OTOGL: variants seen among roughly 807,000 people sequenced by gnomAD.
OTOGL encodes the protein otogelin-like protein.
Under a neutral mutation model 318.5 loss-of-function variants are expected in OTOGL, and 285 were observed. The ratio of observed to expected loss-of-function variants is 0.89; its 90% CI spans 0.81 to 0.99. The LOEUF is 0.99. Among genes scored for constraint, OTOGL ranks in the 50% least tolerant of loss-of-function variants. OTOGL has a pLI of 0.00. For missense variants in OTOGL, 2,899 were observed against 2,845.6 expected (o/e 1.02, Z -0.43); for synonymous variants, 987 against 936.5 (o/e 1.05, Z -0.99).
chr12:80,345,563 G>C (rs577853092), intron 44 of OTOGL, among the ~76,000 whole-genome samples: 6 of 152,052 alleles, frequency 3.9e-5, no homozygotes, highest in African/African-American at 1.4e-4. Context: ...TACAGTCAGA[G>C]TTGAAAATAT....
At chr12:80,101,145 A>C (rs1479672977) in intron 1 of OTOGL, among the ~76,000 whole-genome samples, 1 of 152,204 alleles carries the variant, frequency 6.6e-6, no homozygotes. Flanking sequence ...CTTTAAAAGC[A>C]CTTAAGATGT....
chr12:80,189,657 G>T (rs987320844), intron 1 of OTOGL, among the ~76,000 whole-genome samples: 1 of 152,188 alleles, frequency 6.6e-6, no homozygotes, highest in Non-Finnish European at 1.5e-5. Flanking sequence ...CCCATACCTA[G>T]AAAGTAGAAT....
intron 7 of OTOGL, among the ~76,000 whole-genome samples, chr12:80,222,691 T>C (rs942572166): frequency 6.6e-6 from 1 of 152,158 alleles, no homozygotes; most frequent in Admixed American, 6.6e-5. Context: ...AATAAGGATG[T>C]CAGGGACCTC....
chr12:80,368,520 T>C (rs1430104208), intron 55 of OTOGL, among the ~76,000 whole-genome samples: 1 of 152,066 alleles, frequency 6.6e-6, no homozygotes, highest in Non-Finnish European at 1.5e-5. Flanking sequence ...TGACTCAAAC[T>C]TATTTTATCA....
chr12:80,361,046 T>C (rs1890211640), intron 52 of OTOGL: 1 of 152,068 alleles, frequency 6.6e-6, no homozygotes, highest in Admixed American at 6.6e-5. Flanking sequence ...TTACTAATGA[T>C]TGTCATTATG....
chr12:80,318,202 T>A (rs1283652966), intron 32 of OTOGL, among the ~76,000 whole-genome samples: 1 of 152,156 alleles, frequency 6.6e-6, no homozygotes, highest in Non-Finnish European at 1.5e-5. Context: ...ATTCTTTGAA[T>A]CTTTTTTCTC....
At chr12:80,270,032 G>T in intron 22 of OTOGL, 70 bp from the exon 23 acceptor site, 1 of 1,177,532 alleles carries the variant, frequency 8.5e-7, no homozygotes. Context: ...TTAGATTGTT[G>T]TCGAAATTCA....
intron 17 of OTOGL, 114 bp downstream of exon 17, chr12:80,256,574 C>T (rs1037897656): frequency 7.2e-7 from 1 of 1,388,016 alleles, no homozygotes; most frequent in East Asian, 2.6e-5. Flanking sequence ...GACTACCTAG[C>T]ATTTATAGAG....
chr12:80,217,695 G>A, intron 5 of OTOGL, 31 bp downstream of exon 5: 1 of 1,429,342 alleles, frequency 7.0e-7, no homozygotes, highest in Non-Finnish European at 9.5e-7. Flanking sequence ...TTTCATATTT[G>A]CTTTCTCAGA....
chr12:80,286,978 G>T (rs758194423), intron 26 of OTOGL, among the ~76,000 whole-genome samples: 2 of 152,082 alleles, frequency 1.3e-5, no homozygotes, highest in Non-Finnish European at 2.9e-5. Context: ...TGTGATGTTA[G>T]GGTATCAATT....
intron 11 of OTOGL, 95 bp downstream of exon 11, chr12:80,239,534 A>C: frequency 1.2e-6 from 1 of 846,444 alleles, no homozygotes; most frequent in Non-Finnish European, 1.8e-6. Flanking sequence ...AGCTGTTCAC[A>C]AAATATTATG....
In OTOGL at chr12:80,342,314, G is replaced by C. The variant is rs183060961; in HGVS notation, c.5265+152G>C. Among the ~76,000 whole-genome samples, 95 of 152,222 alleles carry C rather than the reference G, an allele frequency of 6.2e-4. 1 individual carries two copies. The highest frequency in any genetic ancestry group is 1.1e-3 in the Non-Finnish European group (77 of 67,992). Reference sequence around the variant, plus strand: ...GCTTTGGAATTCAGAATCACTTATTGTTTACAGGCTTACAAACACAAGAAG... The same window carrying C: ...GCTTTGGAATTCAGAATCACTTATTCTTTACAGGCTTACAAACACAAGAAG... On this transcript the variant is annotated intron_variant, in intron 44 of 58. Transcript: ENST00000547103.
At chr12:80,358,152 C>T (rs1030637251) in intron 49 of OTOGL, 96 bp from the exon 50 acceptor site, 1 of 817,286 alleles carries the variant, frequency 1.2e-6, no homozygotes, top group East Asian at 2.7e-5. Context: ...TTTTCTTAAA[C>T]AAAATTGATT....
At chr12:80,305,889 T>C (rs1886078815) in intron 29 of OTOGL, among the ~76,000 whole-genome samples, 194 bp downstream of exon 29, 1 of 152,198 alleles carries the variant, frequency 6.6e-6, no homozygotes. Flanking sequence ...TGTTTTCTCC[T>C]TAGTATAGAT....
intron 52 of OTOGL, 98 bp downstream of exon 52, chr12:80,358,998 A>C: frequency 3.0e-6 from 3 of 989,324 alleles, no homozygotes; most frequent in Non-Finnish European, 4.3e-6. Context: ...GAGTTAATAA[A>C]ATTACCCACA....
At chr12:80,286,836 C>T (rs1028713434) in intron 26 of OTOGL, among the ~76,000 whole-genome samples, 5 of 152,170 alleles carry the variant, frequency 3.3e-5, no homozygotes, top group Middle Eastern at 3.4e-3. Context: ...AAAAAACCAG[C>T]TCCTGGATTC....
chr12:80,302,860 TG>T, intron 28 of OTOGL, 77 bp downstream of exon 28: 5 of 1,207,252 alleles, frequency 4.1e-6, no homozygotes, highest in Non-Finnish European at 5.3e-6. Flanking sequence ...GAAAATAAAA[TG>T]ATTAATGTTT....
chr12:80,180,568 G>A (rs1247363083), intron 1 of OTOGL, among the ~76,000 whole-genome samples: 3 of 152,208 alleles, frequency 2.0e-5, no homozygotes, highest in Admixed American at 6.5e-5. Context: ...GCCTTTTGTT[G>A]TGGAAGCCCC....
chr12:80,192,057 A>G (rs1269604838), intron 1 of OTOGL, among the ~76,000 whole-genome samples: 3 of 152,258 alleles, frequency 2.0e-5, no homozygotes. Context: ...AGGTATCAAG[A>G]CTGATCCTAA....
Sources: allele counts gnomAD v4.1 joint callset (sites outside exome capture counted in the v4.1 genomes callset), GRCh38; gene constraint gnomAD v4.1.1; transcripts MANE v1.5; gene names NCBI Gene and HGNC (gene_info 2026-07-23, HGNC 2026-07-21).